The following INKA2 variants were observed in gnomAD, a reference collection of about 807,000 sequenced individuals.
INKA2 encodes the protein inka box actin regulator 2.
A neutral mutation model predicts 9.8 loss-of-function variants in INKA2; 3 were observed. The ratio of observed to expected loss-of-function variants is 0.31; its 90% CI spans 0.14 to 0.79. The LOEUF is 0.79. Among genes scored for constraint, INKA2 ranks in the 30% least tolerant of loss-of-function variants. INKA2 has a pLI of 0.62. For synonymous variants in INKA2, 147 were observed against 143.3 expected, an observed-to-expected ratio of 1.03 and a Z score of -0.18; for missense variants, 392 against 384.4, an observed-to-expected ratio of 1.02 and a Z score of -0.17.
chr1:111,733,590 A>C (rs144750824), intron 1 of INKA2, among the ~76,000 whole-genome samples: 2 of 152,188 alleles, frequency 1.3e-5, no homozygotes. Flanking sequence ...AAGAGGGAAG[A>C]GGAACTGCCT....
chr1:111,737,528 T>C (rs886851473), intron 1 of INKA2, among the ~76,000 whole-genome samples: 1 of 152,214 alleles, frequency 6.6e-6, no homozygotes, highest in Admixed American at 6.5e-5. Context: ...GCATGGGTCT[T>C]GGACCTCAGA....
At chr1:111,749,696 G>A (rs116174843) in intron 1 of INKA2, among the ~76,000 whole-genome samples, 524 of 152,032 alleles carry the variant, frequency 3.4e-3, no homozygotes, top group Non-Finnish European at 4.3e-3. Context: ...TTCTTCCATC[G>A]GTCAGCAGGC....
chr1:111,742,437 T>C (rs1663170189), upstream of INKA2, among the ~76,000 whole-genome samples: 1 of 152,000 alleles, frequency 6.6e-6, no homozygotes, highest in Non-Finnish European at 1.5e-5. Context: ...ATACACAAAT[T>C]AGCCTGGTGC....
intron 1 of INKA2, among the ~76,000 whole-genome samples, chr1:111,736,698 A>T (rs1404595516): frequency 6.6e-6 from 1 of 152,206 alleles, no homozygotes; most frequent in Non-Finnish European, 1.5e-5. Context: ...CCTGCCTGGG[A>T]TGGGCCATCT....
Position 111,726,891 on chromosome 1 carries a change from C to T in INKA2, c.*77G>A. On this transcript the variant is annotated 3_prime_UTR_variant, in exon 2 of 2. Coordinates refer to ENST00000357260, the MANE Select transcript of INKA2 (RefSeq NM_019099.5). ...GTTGGGCTTTCGAGAGCCATACCGC[C>T]CACCCTCCCTCCTCCCCAGGGGCCC... 2 of 1,425,494 alleles carry T rather than the reference C, an allele frequency of 1.4e-6. No homozygotes were observed. The highest frequency in any genetic ancestry group is 1.9e-6 in the Non-Finnish European group (2 of 1,043,266). 88.3% of individuals were successfully genotyped at this position (1,425,494 alleles called of 1,614,324 possible).
rs187880910 is a variant in INKA2, at chr1:111,738,890, C to A, written c.57+296G>T. Among the ~76,000 whole-genome samples, 546 of 152,318 alleles carry A rather than the reference C, an allele frequency of 3.6e-3. 6 individuals carry two copies. Among genetic ancestry groups the A allele is most frequent in the African/African-American group, 0.012 (517 of 41,586 alleles). ...GTCCGTGTGCCTGGCCGTCTCTGGG[C>A]GTGCCCTATCTTCTCTCTGGGGTTC... On this transcript the variant is annotated intron_variant, in intron 1 of 1. Coordinates refer to ENST00000357260, the MANE Select transcript of INKA2 (RefSeq NM_019099.5).
chr1:111,745,757 T>C (rs1663262381), intron 1 of INKA2: 1 of 152,176 alleles, frequency 6.6e-6, no homozygotes, highest in African/African-American at 2.4e-5. Context: ...GGACATTCTG[T>C]AACATCTGAT....
At chr1:111,731,274 C>T (rs1445512977) in intron 1 of INKA2, among the ~76,000 whole-genome samples, 2 of 152,082 alleles carry the variant, frequency 1.3e-5, no homozygotes, top group Non-Finnish European at 2.9e-5. Context: ...GACAATGGAA[C>T]AAAGTTCAAA....
intron 1 of INKA2, among the ~76,000 whole-genome samples, chr1:111,736,769 G>T (rs1308263781): frequency 2.6e-5 from 4 of 152,180 alleles, no homozygotes; most frequent in Admixed American, 6.5e-5. Flanking sequence ...CCACCCCATT[G>T]CAGACCTAGG....
At chr1:111,752,356 A>G (rs1663429562) in intron 1 of INKA2, among the ~76,000 whole-genome samples, 1 of 152,230 alleles carries the variant, frequency 6.6e-6, no homozygotes, top group Non-Finnish European at 1.5e-5. Flanking sequence ...TGACTTCAGT[A>G]GCACCCTGCA....
chr1:111,730,101 A>G (rs1662873826), intron 1 of INKA2, among the ~76,000 whole-genome samples: 1 of 152,224 alleles, frequency 6.6e-6, no homozygotes, highest in African/African-American at 2.4e-5. Context: ...ACAGATGCAC[A>G]TGTTGTTGAC....
chr1:111,726,962 T>C lies in INKA2; in HGVS notation c.*6A>G. 1 of 1,610,566 alleles carries C rather than the reference T, an allele frequency of 6.2e-7. No homozygotes were observed. The highest frequency in any genetic ancestry group is 8.5e-7 in the Non-Finnish European group (1 of 1,177,952). ...TCAGGCTCAGTCAACTTTCTGTCTCTAGGATTCAGACCCAAACAGCTGTGT... is the reference window on the plus strand; with the variant it reads ...TCAGGCTCAGTCAACTTTCTGTCTCCAGGATTCAGACCCAAACAGCTGTGT... On this transcript the variant is annotated 3_prime_UTR_variant, in exon 2 of 2. Coordinates refer to ENST00000357260, the MANE Select transcript of INKA2 (RefSeq NM_019099.5).
chr1:111,746,871 C>T (rs949370067), intron 1 of INKA2: 19 of 152,148 alleles, frequency 1.2e-4, no homozygotes, highest in African/African-American at 4.6e-4. Context: ...TTCCAGAATC[C>T]ACATCCTCTC....
chr1:111,725,938 T>G lies in INKA2; in HGVS notation c.*1030A>C, dbSNP rs770689836. ...TTTTAGTAGAGACGGGGTTTCACCA[T>G]GTTGGCCAGGCTGGTCATGAACTCC... is the stretch of plus-strand genomic sequence containing the variant. On this transcript the variant is annotated 3_prime_UTR_variant, in exon 2 of 2. Transcript: ENST00000357260. 2 of 385,132 alleles carry G rather than the reference T, an allele frequency of 5.2e-6. No homozygotes were observed. The highest frequency in any genetic ancestry group is 9.2e-6 in the Non-Finnish European group (2 of 217,900). 23.9% of individuals were successfully genotyped at this position (385,132 alleles called of 1,614,324 possible).
intron 1 of INKA2, among the ~76,000 whole-genome samples, chr1:111,729,528 G>A (rs901863824): frequency 5.3e-5 from 8 of 152,218 alleles, no homozygotes; most frequent in African/African-American, 1.9e-4. Flanking sequence ...CGGGGTGGGG[G>A]CTGTGTCTGA....
chr1:111,732,134 G>A (rs1662919028), intron 1 of INKA2, among the ~76,000 whole-genome samples: 1 of 152,200 alleles, frequency 6.6e-6, no homozygotes, highest in African/African-American at 2.4e-5. Context: ...TCTTGACTAA[G>A]AGAGGAGCCA....
At position 111,723,900 on chromosome 1, in the gene INKA2, C is replaced by T. The variant is rs913548414; in HGVS notation, c.*3068G>A. Reference sequence around the variant, plus strand: ...GAATAATATGAGAGGACAGATTTTGCTCTTGTTCCTCTTGATTTGGCTTTG... The same window carrying T: ...GAATAATATGAGAGGACAGATTTTGTTCTTGTTCCTCTTGATTTGGCTTTG... On this transcript the variant is annotated 3_prime_UTR_variant, in exon 2 of 2. Transcript: ENST00000357260. 2.6e-5 allele frequency: 4 copies of T among 152,270 alleles called. No individual in the cohort carries two copies. Among genetic ancestry groups the T allele is most frequent in the Non-Finnish European group, 5.9e-5 (4 of 68,052 alleles). 9.4% of individuals were successfully genotyped at this position (152,270 alleles called of 1,614,324 possible).
Position 111,722,959 on chromosome 1 carries a change from C to T in INKA2, c.*4009G>A, listed in dbSNP as rs1353111848. 4.6e-6 allele frequency: 3 copies of T among 647,700 alleles called. No individual in the cohort carries two copies. Among genetic ancestry groups the T allele is most frequent in the Non-Finnish European group, 5.6e-6 (2 of 358,630 alleles). The allele number at this position is 647,700 out of a possible 1,614,324, so 40.1% of individuals were successfully genotyped here. ...TTATGTCCTTTAAATCTCACAGCAG[C>T]CCCACATTATCACCTTTCACAGATG... On this transcript the variant is annotated 3_prime_UTR_variant, in exon 2 of 2. Coordinates refer to ENST00000357260, the MANE Select transcript of INKA2 (RefSeq NM_019099.5).
intron 1 of INKA2, among the ~76,000 whole-genome samples, chr1:111,735,884 C>T (rs1345692515): frequency 1.3e-5 from 2 of 152,214 alleles, no homozygotes; most frequent in Admixed American, 6.5e-5. Context: ...TTCCTGCAAC[C>T]TCTCCCTCCT....
Sources: allele counts gnomAD v4.1 joint callset (sites outside exome capture counted in the v4.1 genomes callset), GRCh38; gene constraint gnomAD v4.1.1; transcripts MANE v1.5; gene names NCBI Gene and HGNC (gene_info 2026-07-23, HGNC 2026-07-21).